The following PPP2R3B variants were observed in gnomAD, a reference collection of about 807,000 sequenced individuals.
The protein encoded by PPP2R3B is protein phosphatase 2 regulatory subunit B''beta.
PPP2R3B carries 68 observed loss-of-function variants against 72.9 expected under a neutral mutation model. The ratio of observed to expected loss-of-function variants is 0.93; its 90% CI spans 0.77 to 1.14. The LOEUF (loss-of-function observed/expected upper bound fraction) is 1.14, where lower values mean the gene tolerates loss of function less well. PPP2R3B is among the 50% of genes most tolerant of loss of function. The probability of loss-of-function intolerance (pLI) is 0.00; values close to 1 mark genes in which losing one functional copy is unlikely to be tolerated. For synonymous variants in PPP2R3B, 466 were observed against 375.8 expected, an observed-to-expected ratio of 1.24 and a Z score of -2.78; for missense variants, 1,018 against 842.0, an observed-to-expected ratio of 1.21 and a Z score of -2.59.
intron 1 of PPP2R3B, among the ~76,000 whole-genome samples, chrX:381,498 C>A (rs1368050451): frequency 3.3e-5 from 5 of 152,044 alleles, no homozygotes; most frequent in Admixed American, 3.3e-4. Flanking sequence ...CAGCATCGCC[C>A]CTCCCCAGCC....
chrX:347,473 G>A lies in PPP2R3B; in HGVS notation c.614+117C>T, dbSNP rs1330378270. 39 of 1,353,854 alleles carry A rather than the reference G, an allele frequency of 2.9e-5. No homozygotes were observed. The Admixed American group carries it at 3.0e-4, about 10-fold the overall frequency. 83.9% of individuals were successfully genotyped at this position (1,353,854 alleles called of 1,614,324 possible). ...ACACACGACGGCCAGGCCTGTGCCC[G>A]TACAAGGGTTTCTCCTCTCACTGCG... On this transcript the variant is annotated intron_variant, in intron 3 of 12. Coordinates refer to ENST00000390665, the MANE Select transcript of PPP2R3B (RefSeq NM_013239.5).
At chrX:335,465 C>G (rs897553574) in intron 12 of PPP2R3B, 1 of 152,194 alleles carries the variant, frequency 6.6e-6, no homozygotes. Context: ...CAGGGTGGGC[C>G]GCAGGGGCCC....
chrX:359,822 A>G, intron 2 of PPP2R3B: 1 of 513,724 alleles, frequency 1.9e-6, no homozygotes, highest in Non-Finnish European at 3.9e-6. Context: ...AGGATAAACC[A>G]AAGCTATGGA....
Position 338,853 on chromosome X carries a change from G to T in PPP2R3B, c.1395C>A (p.Asn465Lys). The T allele has an allele frequency of 6.2e-7, 1 of 1,612,492 alleles. No individual in the cohort carries two copies. The highest frequency in any genetic ancestry group is 8.5e-7 in the Non-Finnish European group (1 of 1,179,704). The change falls in exon 11 of 13, where the codon AAC becomes AAA. Residue 465 changes from asparagine (N) to lysine (K), a missense_variant. Transcript: ENST00000390665. Reference sequence around the variant, plus strand: ...TGTTGAAGAAGGTGTCGAAGAAGACGTTAGCCAGCTTGCAGCGCTTCAGGT... The same window carrying T: ...TGTTGAAGAAGGTGTCGAAGAAGACTTTAGCCAGCTTGCAGCGCTTCAGGT... ...LQDLKRCKLA[N>K]VFFDTFFNIE...
At position 386,736 on chromosome X, in the gene PPP2R3B, CCCGCCCCGGGGGCTTCGGT is replaced by C. The variant is rs1397557022; in HGVS notation, c.-64_-46del. 8.4e-6 allele frequency: 10 copies of C among 1,185,628 alleles called. No homozygotes were observed. Among genetic ancestry groups the C allele is most frequent in the East Asian group, 7.3e-5 (2 of 27,500 alleles). The allele number at this position is 1,185,628 out of a possible 1,614,324, so 73.4% of individuals were successfully genotyped here. On this transcript the variant is annotated 5_prime_UTR_variant, in exon 1 of 13. Coordinates refer to ENST00000390665, the MANE Select transcript of PPP2R3B (RefSeq NM_013239.5). ...GCGCCCCCGGACGCCCGCGCCCCGCCCCGCCCCGGGGGCTTCGGTCCGCCCCGGACCGACCTCGGTGATG... is the reference window on the plus strand; with the variant it reads ...GCGCCCCCGGACGCCCGCGCCCCGCCCCGCCCCGGACCGACCTCGGTGATG...
At position 341,306 on chromosome X, in the gene PPP2R3B, C is replaced by G; in HGVS notation, c.1175+1G>C. On this transcript the variant is annotated splice_donor_variant, in intron 9 of 12. Coordinates refer to ENST00000390665, the MANE Select transcript of PPP2R3B (RefSeq NM_013239.5). LOFTEE classifies it high-confidence loss of function. ...AAACGCATGCCGCAGCAGGAACCCA[C>G]CTGGTCGGTGTTTTTTTGTCTTCCT... 1.2e-6 allele frequency: 2 copies of G among 1,612,516 alleles called. No homozygotes were observed. Among genetic ancestry groups the G allele is most frequent in the Non-Finnish European group, 1.7e-6 (2 of 1,179,728 alleles).
At position 347,150 on chromosome X, in the gene PPP2R3B, C is replaced by T. The variant is rs765471819; in HGVS notation, c.717+84G>A. On this transcript the variant is annotated intron_variant, in intron 4 of 12. Coordinates refer to ENST00000390665, the MANE Select transcript of PPP2R3B (RefSeq NM_013239.5). The stretch of plus-strand genomic sequence containing the variant: ...TGAGGGATGAGGCGTGTGGTGTAGA[C>T]GCCGGCCCTCCCATGAGGCATGCGG... The T allele has an allele frequency of 5.3e-5, 54 of 1,025,848 alleles. 1 individual carries two copies. In the East Asian group the frequency reaches 9.9e-4, roughly 19 times the overall value. 63.5% of individuals were successfully genotyped at this position (1,025,848 alleles called of 1,614,324 possible). A position where few individuals can be genotyped will look rare whatever the true frequency, so the allele number is the denominator to read the frequency against.
At chrX:372,212 G>A (rs928460507) in intron 1 of PPP2R3B, among the ~76,000 whole-genome samples, 18 of 152,232 alleles carry the variant, frequency 1.2e-4, no homozygotes, top group African/African-American at 4.3e-4. Context: ...AAAGACACCA[G>A]CCTCGCCCTT....
In PPP2R3B at chrX:341,326, C is replaced by A. The variant is rs769304926; in HGVS notation, c.1156G>T (p.Asp386Tyr). ...DFVWFLISEEDKKTPTSIEYW... is the reference protein window; with the variant it reads ...DFVWFLISEEYKKTPTSIEYW... ...ACCCACCTGGTCGGTGTTTTTTTGT[C>A]TTCCTCAGAGATCAAAAACCAGACA... The change falls in exon 9 of 13, where the codon GAC becomes TAC. Residue 386 changes from aspartate (D) to tyrosine (Y), a missense_variant. By Grantham distance (160) the Asp-to-Tyr change is radical. Coordinates refer to ENST00000390665, the MANE Select transcript of PPP2R3B (RefSeq NM_013239.5). The A allele has an allele frequency of 6.2e-7, 1 of 1,611,914 alleles. No individual in the cohort carries two copies. Among genetic ancestry groups the A allele is most frequent in the African/African-American group, 1.3e-5 (1 of 74,930 alleles).
intron 8 of PPP2R3B, 96 bp downstream of exon 8, chrX:341,787 C>G: frequency 7.5e-7 from 1 of 1,335,616 alleles, no homozygotes; most frequent in Non-Finnish European, 1.1e-6. Context: ...CACTCGCTGT[C>G]GGGGCACAAA....
Position 361,459 on chromosome X carries a change from G to A in PPP2R3B, c.456C>T (p.Phe152=), listed in dbSNP as rs759650886. 31 of 1,613,892 alleles carry A rather than the reference G, an allele frequency of 1.9e-5. No homozygotes were observed. The highest frequency in any genetic ancestry group is 1.5e-4 in the Admixed American group (9 of 60,006). ...DAVISKIEST[F]ARFPHERATM... ...TGGCCCTCTCGTGGGGGAACCGGGC[G>A]AAGGTGCTCTCGATCTTGCTGATGA... is the stretch of plus-strand genomic sequence containing the variant. Residue 152 remains phenylalanine (F), a synonymous_variant, in exon 2 of 13, where the codon TTC becomes TTT. Transcript: ENST00000390665.
chrX:340,972 C>T, intron 9 of PPP2R3B, 32 bp from the exon 10 acceptor site: 2 of 1,600,698 alleles, frequency 1.2e-6, no homozygotes, highest in Non-Finnish European at 1.7e-6. Context: ...CAGCCCCTGC[C>T]CTGGGCCCTC....
At chrX:355,831 AAAG>A (rs1416717235) in intron 2 of PPP2R3B, among the ~76,000 whole-genome samples, 6 of 152,252 alleles carry the variant, frequency 3.9e-5, no homozygotes, top group African/African-American at 1.4e-4. Flanking sequence ...TGCGCGTCAG[AAAG>A]CAGCAGAGAA....
At chrX:375,494 T>TC (rs2071970937) in intron 1 of PPP2R3B, among the ~76,000 whole-genome samples, 1 of 146,486 alleles carries the variant, frequency 6.8e-6, no homozygotes, top group African/African-American at 2.7e-5. Context: ...TGCGGCCCAG[T>TC]AACCCATGAT....
intron 3 of PPP2R3B, 92 bp downstream of exon 3, chrX:347,498 G>T: frequency 7.1e-7 from 1 of 1,412,724 alleles, no homozygotes; most frequent in Non-Finnish European, 9.8e-7. Context: ...CTCTCACTGC[G>T]GCAGCCTCAG....
At chrX:364,382 C>T (rs917551355) in intron 1 of PPP2R3B, among the ~76,000 whole-genome samples, 2 of 151,820 alleles carry the variant, frequency 1.3e-5, no homozygotes, top group Non-Finnish European at 2.9e-5. Context: ...GCTGCGAAAA[C>T]CCTCAAACCG....
At chrX:383,087 G>A (rs1043383561) in intron 1 of PPP2R3B, among the ~76,000 whole-genome samples, 2 of 152,172 alleles carry the variant, frequency 1.3e-5, no homozygotes, top group Non-Finnish European at 2.9e-5. Flanking sequence ...TCCCCTCCTG[G>A]ATCGGGATCT....
At position 340,919 on chromosome X, in the gene PPP2R3B, G is replaced by A; in HGVS notation, c.1197C>T (p.Cys399=). ...TPTSIEYWFR[C]MDLDGDGALS... ...GGGCGCCGTCCCCGTCCAGGTCCAT[G>A]CAGCGGAACCAGTACTCGATGCTGC... The change falls in exon 10 of 13, where the codon TGC becomes TGT. Residue 399 remains cysteine (C), a synonymous_variant. Coordinates refer to ENST00000390665, the MANE Select transcript of PPP2R3B (RefSeq NM_013239.5). 1 of 1,611,722 alleles carries A rather than the reference G, an allele frequency of 6.2e-7. No homozygotes were observed. Among genetic ancestry groups the A allele is most frequent in the Non-Finnish European group, 8.5e-7 (1 of 1,179,590 alleles).
At chrX:350,579 G>A (rs2071309233) in intron 2 of PPP2R3B, among the ~76,000 whole-genome samples, 1 of 152,210 alleles carries the variant, frequency 6.6e-6, no homozygotes, top group Non-Finnish European at 1.5e-5. Flanking sequence ...AGGGGTGCAC[G>A]GTGGCCGTAG....
Sources: gnomAD v4.1 joint callset for allele counts (sites outside exome capture counted in the v4.1 genomes callset) on GRCh38, gnomAD v4.1.1 for gene constraint, MANE v1.5 for transcripts, NCBI Gene and HGNC (gene_info 2026-07-23, HGNC 2026-07-21) for gene names.